The following CCSER1 variants were observed in gnomAD, a reference collection of about 807,000 sequenced individuals.
The protein encoded by CCSER1 is serine-rich coiled-coil domain-containing protein 1.
Under a neutral mutation model 82.0 loss-of-function variants are expected in CCSER1, and 41 were observed. The ratio of observed to expected loss-of-function variants is 0.50; its 90% CI spans 0.39 to 0.65. The LOEUF is 0.65. Ranked by LOEUF, CCSER1 falls within the 30% of genes least tolerant of loss-of-function variation. The pLI is 0.00. For synonymous variants in CCSER1, 414 were observed against 383.9 expected (o/e 1.08, Z -0.92); for missense variants, 1,119 against 1,064.2 (o/e 1.05, Z -0.72).
At chr4:91,280,687 T>A (rs976173076) in intron 10 of CCSER1, among the ~76,000 whole-genome samples, 2 of 152,080 alleles carry the variant, frequency 1.3e-5, no homozygotes, top group Non-Finnish European at 2.9e-5. Flanking sequence ...ACAGGTGGTG[T>A]CTATAAGTGG....
At chr4:90,741,800 T>TA (rs971213611) in intron 7 of CCSER1, among the ~76,000 whole-genome samples, 10 of 152,216 alleles carry the variant, frequency 6.6e-5, no homozygotes, top group Admixed American at 2.6e-4. Context: ...TCATTTGAGA[T>TA]AGACCGTGAA....
intron 10 of CCSER1, among the ~76,000 whole-genome samples, chr4:91,531,159 G>A (rs952846485): frequency 6.6e-6 from 1 of 152,134 alleles, no homozygotes; most frequent in African/African-American, 2.4e-5. Flanking sequence ...TTTCAACATT[G>A]TAAGAGGTAT....
intron 4 of CCSER1, among the ~76,000 whole-genome samples, chr4:90,400,701 G>A (rs914567820): frequency 6.6e-6 from 1 of 152,084 alleles, no homozygotes; most frequent in African/African-American, 2.4e-5. Context: ...TGATATATTT[G>A]TAATGGCTTA....
At chr4:90,531,156 C>G (rs972374116) in intron 5 of CCSER1, among the ~76,000 whole-genome samples, 1 of 150,568 alleles carries the variant, frequency 6.6e-6, no homozygotes, top group African/African-American at 2.4e-5. Flanking sequence ...CTGGTTTGGC[C>G]TTTTGTTTTT....
chr4:91,054,125 T>G (rs1307373107), intron 9 of CCSER1, among the ~76,000 whole-genome samples: 1 of 152,170 alleles, frequency 6.6e-6, no homozygotes, highest in African/African-American at 2.4e-5. Context: ...CTCAGACTTG[T>G]AGGATGAGGG....
chr4:91,145,446 T>C (rs1231302984), intron 10 of CCSER1, among the ~76,000 whole-genome samples: 3 of 152,174 alleles, frequency 2.0e-5, no homozygotes, highest in Admixed American at 6.5e-5. Flanking sequence ...GTTTAGACCA[T>C]TCACATTTAA....
At chr4:90,885,451 C>T (rs898114569) in intron 8 of CCSER1, among the ~76,000 whole-genome samples, 2 of 152,148 alleles carry the variant, frequency 1.3e-5, no homozygotes, top group African/African-American at 4.8e-5. Context: ...TATATAGTAA[C>T]AACTATTGTG....
intron 6 of CCSER1, among the ~76,000 whole-genome samples, chr4:90,697,918 G>C (rs989277817): frequency 6.6e-6 from 1 of 152,090 alleles, no homozygotes; most frequent in African/African-American, 2.4e-5. Flanking sequence ...CATTGTAAGA[G>C]CTTCAAAGAG....
chr4:91,007,855 A>T (rs1339005523), intron 9 of CCSER1, among the ~76,000 whole-genome samples: 1 of 151,590 alleles, frequency 6.6e-6, no homozygotes, highest in Admixed American at 6.6e-5. Context: ...CTCTTCCTGG[A>T]TTTTTTGACA....
intron 9 of CCSER1, among the ~76,000 whole-genome samples, chr4:90,960,309 T>C (rs540812698): frequency 1.3e-5 from 2 of 152,282 alleles, no homozygotes; most frequent in East Asian, 3.9e-4. Context: ...TTATACTCAC[T>C]AGAAAAACTA....
chr4:90,216,072 T>G (rs1740960393), intron 1 of CCSER1, among the ~76,000 whole-genome samples: 1 of 152,144 alleles, frequency 6.6e-6, no homozygotes, highest in Non-Finnish European at 1.5e-5. Flanking sequence ...AATAAGTTGG[T>G]AGAAAGGAGC....
At chr4:91,186,109 C>T (rs977354709) in intron 10 of CCSER1, among the ~76,000 whole-genome samples, 3 of 152,180 alleles carry the variant, frequency 2.0e-5, no homozygotes, top group Admixed American at 2.0e-4. Flanking sequence ...CGAGGCGCTG[C>T]TTGAACAGTC....
intron 9 of CCSER1, among the ~76,000 whole-genome samples, chr4:90,957,561 T>TA (rs1733625532): frequency 2.4e-5 from 3 of 127,088 alleles, no homozygotes; most frequent in Middle Eastern, 3.8e-3. Context: ...ATTATATATA[T>TA]TATATAATTA....
intron 10 of CCSER1, among the ~76,000 whole-genome samples, chr4:91,429,375 C>T (rs1437807820): frequency 2.6e-5 from 4 of 151,888 alleles, no homozygotes; most frequent in Admixed American, 1.3e-4. Flanking sequence ...ACAGGTACTA[C>T]ACTATAATAT....
intron 1 of CCSER1, among the ~76,000 whole-genome samples, chr4:90,285,380 G>C (rs528413287): frequency 6.6e-6 from 1 of 151,866 alleles, no homozygotes; most frequent in African/African-American, 2.4e-5. Context: ...TTACTTGTAG[G>C]TATTTAATTT....
intron 6 of CCSER1, among the ~76,000 whole-genome samples, chr4:90,692,542 C>T (rs1362125379): frequency 7.9e-5 from 12 of 151,896 alleles, no homozygotes; most frequent in East Asian, 5.8e-4. Flanking sequence ...GACACTTGAC[C>T]GAAAGGCAAT....
At chr4:91,334,770 C>T (rs565235074) in intron 10 of CCSER1, among the ~76,000 whole-genome samples, 8 of 152,146 alleles carry the variant, frequency 5.3e-5, no homozygotes, top group Admixed American at 2.0e-4. Context: ...TTGAGTGGGA[C>T]AGTTTCCCTT....
At chr4:91,466,096 A>C (rs1323285744) in intron 10 of CCSER1, among the ~76,000 whole-genome samples, 1 of 152,198 alleles carries the variant, frequency 6.6e-6, no homozygotes, top group African/African-American at 2.4e-5. Flanking sequence ...TTGATGCAAA[A>C]ATCCTCAATA....
chr4:90,266,407 A>T (rs1032102066), intron 1 of CCSER1, among the ~76,000 whole-genome samples: 5 of 151,708 alleles, frequency 3.3e-5, no homozygotes, highest in African/African-American at 1.2e-4. Context: ...AGTCCAGAGC[A>T]TATTAAAATT....
Sources: allele counts gnomAD v4.1 joint callset (sites outside exome capture counted in the v4.1 genomes callset), GRCh38; gene constraint gnomAD v4.1.1; transcripts MANE v1.5; gene names NCBI Gene and HGNC (gene_info 2026-07-23, HGNC 2026-07-21).